The following RASGRP3 variants were observed in gnomAD, a reference collection of about 807,000 sequenced individuals.
RASGRP3 encodes RAS guanyl releasing protein 3.
A neutral mutation model predicts 82.7 loss-of-function variants in RASGRP3; 54 were observed. The observed-to-expected ratio is 0.65, with a 90% CI of 0.52 to 0.82. RASGRP3 has a LOEUF of 0.82. RASGRP3 is among the 40% of genes least tolerant of loss of function. The pLI, the probability that RASGRP3 is intolerant of heterozygous loss-of-function variation, is 0.00. For synonymous variants in RASGRP3, 309 were observed against 300.5 expected (o/e 1.03, Z -0.29); for missense variants, 861 against 828.9 (o/e 1.04, Z -0.48).
intron 16 of RASGRP3, 134 bp from the exon 17 acceptor site, chr2:33,558,538 C>A (rs114072954): frequency 2.7e-6 from 3 of 1,114,270 alleles, no homozygotes; most frequent in Non-Finnish European, 3.8e-6. Flanking sequence ...AACTTGCCTG[C>A]GGCTAATTGA....
intron 2 of RASGRP3, among the ~76,000 whole-genome samples, chr2:33,513,252 T>C (rs533174194): frequency 1.3e-5 from 2 of 152,372 alleles, no homozygotes; most frequent in Non-Finnish European, 2.9e-5. Context: ...ACAGAATTAA[T>C]AGAGGGCAAA....
chr2:33,557,999 T>A (rs908538598), intron 15 of RASGRP3, among the ~76,000 whole-genome samples: 1 of 151,946 alleles, frequency 6.6e-6, no homozygotes, highest in Non-Finnish European at 1.5e-5. Flanking sequence ...GCTGAGCAAA[T>A]CTAAGAGAAT....
chr2:33,497,361 A>G (rs1195090094), intron 1 of RASGRP3, among the ~76,000 whole-genome samples: 2 of 152,216 alleles, frequency 1.3e-5, no homozygotes, highest in East Asian at 3.8e-4. Context: ...CAGACTTGTG[A>G]AATCCCCACA....
rs531635230 is a variant in RASGRP3, at chr2:33,549,888, G to A, written c.1542+137G>A. On this transcript the variant is annotated intron_variant, in intron 14 of 17. Coordinates refer to ENST00000403687, the MANE Select transcript of RASGRP3 (RefSeq NM_001139488.2). ...TAAAATGTGATGGCTCCCTGAAATTGAAGATTAAACACCAAAGGCAAGGTT... is the reference window on the plus strand; with the variant it reads ...TAAAATGTGATGGCTCCCTGAAATTAAAGATTAAACACCAAAGGCAAGGTT... 4.6e-5 allele frequency: 52 copies of A among 1,137,280 alleles called. 1 individual carries two copies. In the South Asian group the frequency reaches 9.4e-4, roughly 20 times the overall value. 70.4% of individuals were successfully genotyped at this position (1,137,280 alleles called of 1,614,324 possible).
chr2:33,532,392 C>G (rs1362759551), intron 10 of RASGRP3: 1 of 152,136 alleles, frequency 6.6e-6, no homozygotes, highest in South Asian at 2.1e-4. Flanking sequence ...GGTGTCAGGT[C>G]CCACTTATCA....
intron 1 of RASGRP3, among the ~76,000 whole-genome samples, chr2:33,496,861 A>G (rs1238962189): frequency 6.6e-6 from 1 of 152,190 alleles, no homozygotes; most frequent in Non-Finnish European, 1.5e-5. Context: ...TATCTTAAAA[A>G]GAAAACAAAA....
At chr2:33,442,883 GTT>G (rs55978823) in intron 1 of RASGRP3, among the ~76,000 whole-genome samples, 1,703 of 138,600 alleles carry the variant, frequency 0.012, 15 homozygotes, top group African/African-American at 0.033. Flanking sequence ...AATCACTATT[GTT>G]TTTTTTTTTT....
chr2:33,470,445 T>A (rs1217902946), intron 2 of RASGRP3, among the ~76,000 whole-genome samples: 1 of 151,568 alleles, frequency 6.6e-6, no homozygotes, highest in African/African-American at 2.4e-5. Flanking sequence ...AGTGGCGCGA[T>A]CTCAGCTCAC....
At chr2:33,515,330 G>C (rs1358895295) in intron 3 of RASGRP3, 124 bp downstream of exon 3, 1 of 941,576 alleles carries the variant, frequency 1.1e-6, no homozygotes, top group East Asian at 2.5e-5. Context: ...AGGCCTTTCG[G>C]ATGGACCCGG....
At chr2:33,538,064 G>C (rs964717971) in intron 11 of RASGRP3, among the ~76,000 whole-genome samples, 1 of 152,178 alleles carries the variant, frequency 6.6e-6, no homozygotes, top group Non-Finnish European at 1.5e-5. Context: ...CTAAGTATTA[G>C]AGAATTAGAT....
At chr2:33,556,890 T>TAC (rs58614411) in intron 15 of RASGRP3, among the ~76,000 whole-genome samples, 5,654 of 130,748 alleles carry the variant, frequency 0.043, 125 homozygotes, top group Non-Finnish European at 0.047. Flanking sequence ...TACCCTAAAA[T>TAC]ACACACACAC....
At chr2:33,495,078 A>G (rs948455291) in intron 1 of RASGRP3, among the ~76,000 whole-genome samples, 1 of 152,222 alleles carries the variant, frequency 6.6e-6, no homozygotes, top group Admixed American at 6.5e-5. Context: ...CACTCCACAA[A>G]CAGTAACATT....
chr2:33,520,367 G>T (rs1671907269), intron 5 of RASGRP3, among the ~76,000 whole-genome samples, 186 bp from the exon 6 acceptor site: 1 of 152,220 alleles, frequency 6.6e-6, no homozygotes, highest in African/African-American at 2.4e-5. Context: ...GTTTTAGATT[G>T]AAGGAGGGCA....
intron 14 of RASGRP3, among the ~76,000 whole-genome samples, chr2:33,553,574 C>T (rs965789076): frequency 3.9e-5 from 6 of 152,060 alleles, no homozygotes; most frequent in African/African-American, 1.4e-4. Flanking sequence ...GAGAAGCAAA[C>T]TAGATTATCA....
intron 7 of RASGRP3, 115 bp from the exon 8 acceptor site, chr2:33,523,764 T>C: frequency 9.2e-7 from 1 of 1,082,014 alleles, no homozygotes; most frequent in Non-Finnish European, 1.3e-6. Context: ...AAATGTGAAA[T>C]AAAAGAAATT....
At chr2:33,464,776 T>C (rs190786315) in intron 2 of RASGRP3, among the ~76,000 whole-genome samples, 20 of 152,334 alleles carry the variant, frequency 1.3e-4, no homozygotes, top group Non-Finnish European at 2.8e-4. Flanking sequence ...CAGCCTGTGA[T>C]CTGTGATCTT....
At chr2:33,499,647 A>T (rs1383624641) in intron 1 of RASGRP3, among the ~76,000 whole-genome samples, 1 of 152,144 alleles carries the variant, frequency 6.6e-6, no homozygotes, top group Non-Finnish European at 1.5e-5. Flanking sequence ...AAAATCTGAA[A>T]TATTTACATA....
intron 1 of RASGRP3, among the ~76,000 whole-genome samples, chr2:33,438,599 A>C (rs1043500071): frequency 6.6e-6 from 1 of 151,834 alleles, no homozygotes; most frequent in African/African-American, 2.4e-5. Flanking sequence ...ATGAAATGCC[A>C]GGTATTTAAA....
intron 2 of RASGRP3, among the ~76,000 whole-genome samples, chr2:33,464,465 A>ATTTG (rs1666569224): frequency 7.2e-6 from 1 of 139,208 alleles, no homozygotes; most frequent in Non-Finnish European, 1.6e-5. Flanking sequence ...ATCTGTGATC[A>ATTTG]GTGATCTTTT....
Sources: allele counts gnomAD v4.1 joint callset (sites outside exome capture counted in the v4.1 genomes callset), GRCh38; gene constraint gnomAD v4.1.1; transcripts MANE v1.5; gene names NCBI Gene and HGNC (gene_info 2026-07-23, HGNC 2026-07-21).